The following EYA1 variants were observed in gnomAD, a reference collection of about 807,000 sequenced individuals.
The protein encoded by EYA1 is EYA transcriptional coactivator and phosphatase 1, also known as protein phosphatase EYA1.
A neutral mutation model predicts 82.0 loss-of-function variants in EYA1; 16 were observed. That is an observed-to-expected ratio of 0.20 (90% CI 0.13 to 0.30). EYA1 has a LOEUF of 0.30. Among genes scored for constraint, EYA1 ranks in the 10% least tolerant of loss-of-function variants. The pLI is 1.00. For missense variants in EYA1, 633 were observed against 730.7 expected (o/e 0.87, Z 1.54); for synonymous variants, 261 against 264.4 (o/e 0.99, Z 0.12).
intron 3 of EYA1, among the ~76,000 whole-genome samples, chr8:71,339,153 A>G (rs527283804): frequency 1.3e-3 from 194 of 152,214 alleles, no homozygotes; most frequent in African/African-American, 4.4e-3. Context: ...ACCCCTCATC[A>G]GAACAAGCCA....
intron 2 of EYA1, among the ~76,000 whole-genome samples, chr8:71,498,674 GGCA>G (rs985063847): frequency 1.3e-5 from 2 of 152,112 alleles, no homozygotes; most frequent in African/African-American, 4.8e-5. Flanking sequence ...ATAGATATCA[GGCA>G]GGACCTCAGG....
intron 3 of EYA1, among the ~76,000 whole-genome samples, chr8:71,338,464 G>A (rs151249078): frequency 2.6e-4 from 40 of 152,208 alleles, no homozygotes; most frequent in South Asian, 1.7e-3. Context: ...ATCTTCCTTC[G>A]TCATAAATTT....
intron 4 of EYA1, among the ~76,000 whole-genome samples, chr8:71,324,179 T>C (rs186550883): frequency 1.3e-5 from 2 of 152,362 alleles, no homozygotes; most frequent in African/African-American, 4.8e-5. Context: ...TTTTTTCTTT[T>C]TTCTTTCTTT....
chr8:71,397,614 GC>G (rs1829705544), intron 2 of EYA1, among the ~76,000 whole-genome samples: 1 of 152,110 alleles, frequency 6.6e-6, no homozygotes, highest in Non-Finnish European at 1.5e-5. Flanking sequence ...TTGAATATTG[GC>G]CCCCACTCTC....
At chr8:71,238,950 A>C (rs1812161252) in intron 12 of EYA1, among the ~76,000 whole-genome samples, 2 of 152,034 alleles carry the variant, frequency 1.3e-5, no homozygotes, top group Admixed American at 1.3e-4. Flanking sequence ...TCAGAGTATA[A>C]ATTTATTTAT....
chr8:71,404,601 C>G (rs11782216), intron 2 of EYA1: 1 of 151,984 alleles, frequency 6.6e-6, no homozygotes, highest in Non-Finnish European at 1.5e-5. Flanking sequence ...GTACAGGAAG[C>G]GATAATCAAA....
intron 2 of EYA1, chr8:71,404,032 T>C (rs1830090532): frequency 6.6e-6 from 1 of 152,246 alleles, no homozygotes; most frequent in Non-Finnish European, 1.5e-5. Flanking sequence ...TTGATTGTTG[T>C]GGTCAGTTTG....
chr8:71,419,639 ATTCT>A (rs1215896460), intron 2 of EYA1, among the ~76,000 whole-genome samples: 2 of 152,138 alleles, frequency 1.3e-5, no homozygotes, highest in South Asian at 2.1e-4. Context: ...TCATTACACT[ATTCT>A]TTCTATTTTT....
intron 9 of EYA1, among the ~76,000 whole-genome samples, chr8:71,280,287 G>A (rs929784055): frequency 6.6e-6 from 1 of 152,198 alleles, no homozygotes; most frequent in Non-Finnish European, 1.5e-5. Context: ...CCATTGTCAA[G>A]CCATGCTGTT....
rs191141547 is a variant in EYA1 at position 71,435,458 on chromosome 8, T to A, written c.34-78947A>T. 4.6e-5 allele frequency among the ~76,000 whole-genome samples: 7 copies of A among 152,132 alleles called. No homozygotes were observed. In the East Asian group the frequency reaches 1.4e-3, roughly 29 times the overall value. On this transcript the variant is annotated intron_variant, in intron 2 of 18. Coordinates refer to the EYA1 transcript ENST00000643681. ...TAAAATTATCTACTGAAATATAAAC[T>A]AAATGAAAGTGAGCTCTAAAATAAA...
intron 2 of EYA1, among the ~76,000 whole-genome samples, chr8:71,442,267 G>T (rs1486915001): frequency 6.6e-6 from 1 of 152,176 alleles, no homozygotes; most frequent in African/African-American, 2.4e-5. Flanking sequence ...CTGAGGACTG[G>T]ACTGAACCAT....
intron 2 of EYA1, among the ~76,000 whole-genome samples, chr8:71,374,516 C>T (rs1053696442): frequency 1.3e-5 from 2 of 152,090 alleles, no homozygotes; most frequent in African/African-American, 2.4e-5. Flanking sequence ...GAAAAGGAAA[C>T]CTTTGCAGGC....
chr8:71,415,799 A>G (rs1340486485), intron 2 of EYA1, among the ~76,000 whole-genome samples: 2 of 152,218 alleles, frequency 1.3e-5, no homozygotes, highest in African/African-American at 4.8e-5. Flanking sequence ...TGAAATCTTC[A>G]TTGACATTTA....
rs539616357 is a variant in EYA1, at chr8:71,453,376, C to T, written c.33+82368G>A. On this transcript the variant is annotated intron_variant, in intron 2 of 18. Coordinates refer to the EYA1 transcript ENST00000643681. ...ATATTATCCAGGAGAACTTCCCCAGCCTAGCAAGGCAGGCCAACATTCAAA... is the reference window on the plus strand; with the variant it reads ...ATATTATCCAGGAGAACTTCCCCAGTCTAGCAAGGCAGGCCAACATTCAAA... 2.0e-3 allele frequency among the ~76,000 whole-genome samples: 297 copies of T among 152,256 alleles called. 1 individual carries two copies. The highest frequency in any genetic ancestry group is 3.6e-3 in the Non-Finnish European group (243 of 68,022).
chr8:71,359,459 C>T (rs1190410183), intron 1 of EYA1, among the ~76,000 whole-genome samples: 2 of 152,124 alleles, frequency 1.3e-5, no homozygotes, highest in Non-Finnish European at 2.9e-5. Flanking sequence ...ATCACATTTT[C>T]CCTACCACAG....
At chr8:71,417,103 A>G (rs570843124) in intron 2 of EYA1, among the ~76,000 whole-genome samples, 24 of 152,246 alleles carry the variant, frequency 1.6e-4, no homozygotes, top group Non-Finnish European at 2.5e-4. Flanking sequence ...GCCCTTGAAT[A>G]TCGGACTCCA....
chr8:71,241,122 T>A (rs1334016419), intron 12 of EYA1, among the ~76,000 whole-genome samples: 1 of 152,240 alleles, frequency 6.6e-6, no homozygotes, highest in African/African-American at 2.4e-5. Flanking sequence ...GGGAAAATAT[T>A]ATTTCCTAAG....
At chr8:71,519,686 C>T (rs1813245665) in intron 2 of EYA1, among the ~76,000 whole-genome samples, 2 of 151,914 alleles carry the variant, frequency 1.3e-5, no homozygotes, top group Non-Finnish European at 2.9e-5. Context: ...AAAAAAATCC[C>T]CTGGGTCACT....
At chr8:71,252,587 C>A (rs1020102354) in intron 11 of EYA1, among the ~76,000 whole-genome samples, 5 of 152,140 alleles carry the variant, frequency 3.3e-5, no homozygotes, top group African/African-American at 9.7e-5. Flanking sequence ...AACATGAGCA[C>A]TCCCAGAAGG....
Sources: allele counts gnomAD v4.1 joint callset (sites outside exome capture counted in the v4.1 genomes callset), GRCh38; gene constraint gnomAD v4.1.1; transcripts MANE v1.5; gene names NCBI Gene and HGNC (gene_info 2026-07-23, HGNC 2026-07-21).